Variants in KLF12 observed in about 807,000 individuals in gnomAD.
The protein encoded by KLF12 is KLF transcription factor 12.
A neutral mutation model predicts 37.8 loss-of-function variants in KLF12; 9 were observed. That is an observed-to-expected ratio of 0.24 (90% CI 0.14 to 0.42). The LOEUF (loss-of-function observed/expected upper bound fraction) is 0.42, where lower values mean the gene tolerates loss of function less well. Among genes scored for constraint, KLF12 ranks in the 10% least tolerant of loss-of-function variants. The pLI, the probability that KLF12 is intolerant of heterozygous loss-of-function variation, is 1.00. For synonymous variants in KLF12, 208 were observed against 202.1 expected (o/e 1.03, Z -0.25); for missense variants, 411 against 516.0 (o/e 0.80, Z 1.97).
At chr13:74,084,622 A>T (rs1218349526) in intron 1 of KLF12, among the ~76,000 whole-genome samples, 1 of 152,238 alleles carries the variant, frequency 6.6e-6, no homozygotes, top group Admixed American at 6.5e-5. Context: ...CTACTGCTCC[A>T]TTACACATAT....
the KLF12 span, among the ~76,000 whole-genome samples, chr13:74,241,547 C>G: frequency 5.3e-5 from 8 of 152,180 alleles, no homozygotes; most frequent in Non-Finnish European, 8.8e-5. Context: ...CCCAGCCTCG[C>G]TGCCGCTGCT....
At chr13:74,105,032 A>ACCATTACATTCAGTACATCCCCAGGG (rs1876577300) in intron 1 of KLF12, among the ~76,000 whole-genome samples, 1 of 152,272 alleles carries the variant, frequency 6.6e-6, no homozygotes, top group African/African-American at 2.4e-5. Flanking sequence ...GAGTTGGGTC[A>ACCATTACATTCAGTACATCCCCAGGG]CCATTACATT....
chr13:73,830,878 C>T (rs1203581712), intron 4 of KLF12, among the ~76,000 whole-genome samples: 1 of 151,990 alleles, frequency 6.6e-6, no homozygotes, highest in Non-Finnish European at 1.5e-5. Flanking sequence ...AAATGTTAAC[C>T]TACAGCTTAA....
chr13:74,176,110 C>T, the KLF12 span, among the ~76,000 whole-genome samples: 1 of 152,160 alleles, frequency 6.6e-6, no homozygotes, highest in Non-Finnish European at 1.5e-5. Context: ...CTGGTTTTCT[C>T]CCAAGCATAC....
At chr13:74,165,853 G>A in the KLF12 span, among the ~76,000 whole-genome samples, 3 of 152,080 alleles carry the variant, frequency 2.0e-5, no homozygotes, top group African/African-American at 7.2e-5. Flanking sequence ...CTCATTCCTT[G>A]GGGCTATGTT....
chr13:74,050,783 C>G (rs1239656419), intron 1 of KLF12, among the ~76,000 whole-genome samples: 1 of 152,122 alleles, frequency 6.6e-6, no homozygotes, highest in Non-Finnish European at 1.5e-5. Flanking sequence ...GAAAAGACAA[C>G]CTACAGAATG....
At chr13:74,183,050 A>C in the KLF12 span, among the ~76,000 whole-genome samples, 3 of 152,132 alleles carry the variant, frequency 2.0e-5, no homozygotes, top group Admixed American at 6.5e-5. Context: ...CTCAAGCCTC[A>C]AGTGTACAAT....
At chr13:74,063,356 C>T (rs1873722839) in intron 1 of KLF12, among the ~76,000 whole-genome samples, 1 of 152,186 alleles carries the variant, frequency 6.6e-6, no homozygotes. Flanking sequence ...AAGAGCTACC[C>T]TAAAGCCAAT....
intron 6 of KLF12, among the ~76,000 whole-genome samples, chr13:73,728,003 G>A (rs774131385): frequency 2.6e-5 from 4 of 152,114 alleles, no homozygotes; most frequent in African/African-American, 4.8e-5. Flanking sequence ...AGCCATCATC[G>A]ATTTCTGTAA....
the KLF12 span, among the ~76,000 whole-genome samples, chr13:74,212,265 A>T: frequency 6.6e-6 from 1 of 152,208 alleles, no homozygotes; most frequent in Admixed American, 6.5e-5. Context: ...ATTTAATTAT[A>T]TCATTAAAAC....
chr13:74,027,264 A>T (rs1892998641), intron 1 of KLF12, among the ~76,000 whole-genome samples: 1 of 150,590 alleles, frequency 6.6e-6, no homozygotes, highest in Non-Finnish European at 1.5e-5. Flanking sequence ...CTTCTTTCAT[A>T]TCTCCATGTC....
At chr13:73,984,204 G>C (rs899853558) in intron 2 of KLF12, among the ~76,000 whole-genome samples, 3 of 152,178 alleles carry the variant, frequency 2.0e-5, no homozygotes, top group Non-Finnish European at 4.4e-5. Flanking sequence ...TACATTTTCA[G>C]AACTGTCTTC....
intron 1 of KLF12, among the ~76,000 whole-genome samples, chr13:74,127,681 G>T (rs1367315812): frequency 6.6e-6 from 1 of 152,210 alleles, no homozygotes; most frequent in Non-Finnish European, 1.5e-5. Flanking sequence ...AAATGCAGTT[G>T]CGGAGAAATC....
At chr13:74,303,783 T>G in the KLF12 span, among the ~76,000 whole-genome samples, 1 of 152,120 alleles carries the variant, frequency 6.6e-6, no homozygotes, top group African/African-American at 2.4e-5. Flanking sequence ...AATGCTGGAA[T>G]TGGAGCTCTA....
chr13:73,715,019 G>A (rs1875692413), intron 7 of KLF12, among the ~76,000 whole-genome samples: 1 of 152,104 alleles, frequency 6.6e-6, no homozygotes, highest in East Asian at 1.9e-4. Flanking sequence ...TAAAGGAATG[G>A]ATAAAATACT....
chr13:73,805,515 C>T lies in KLF12; in HGVS notation c.806+7637G>A, dbSNP rs148053473. ...ACTTGTAGTCTCAGCTACTTGAAGT[C>T]TAAGGTGGGAGAAATGCTTGAGCCC... On this transcript the variant is annotated intron_variant, in intron 5 of 7. Coordinates refer to ENST00000377669, the MANE Select transcript of KLF12 (RefSeq NM_007249.5). Among the ~76,000 whole-genome samples, 148 of 151,134 alleles carry T rather than the reference C, an allele frequency of 9.8e-4. No homozygotes were observed. The East Asian group carries it at 0.027, about 27-fold the overall frequency.
intron 1 of KLF12, among the ~76,000 whole-genome samples, chr13:74,019,839 C>T (rs1335473329): frequency 1.3e-4 from 20 of 152,180 alleles, no homozygotes; most frequent in Admixed American, 1.2e-3. Context: ...CCATGGTCCC[C>T]GTGATCACAT....
chr13:74,071,071 C>T (rs1257548784), intron 1 of KLF12, among the ~76,000 whole-genome samples: 1 of 152,108 alleles, frequency 6.6e-6, no homozygotes, highest in East Asian at 1.9e-4. Flanking sequence ...TGTTAACCAC[C>T]ACACCCTAAT....
At chr13:73,941,605 G>T (rs575785697) in intron 3 of KLF12, among the ~76,000 whole-genome samples, 3 of 152,150 alleles carry the variant, frequency 2.0e-5, no homozygotes, top group African/African-American at 7.2e-5. Context: ...AACACCCAAC[G>T]CATCTTCTCA....
Sources: gnomAD v4.1 joint callset for allele counts (sites outside exome capture counted in the v4.1 genomes callset) on GRCh38, gnomAD v4.1.1 for gene constraint, MANE v1.5 for transcripts, NCBI Gene and HGNC (gene_info 2026-07-23, HGNC 2026-07-21) for gene names.